The following CENPW variants were observed in gnomAD, a reference collection of about 807,000 sequenced individuals.
The protein encoded by CENPW is centromere protein W.
A neutral mutation model predicts 11.1 loss-of-function variants in CENPW; 3 were observed. The observed-to-expected ratio is 0.27, with a 90% CI of 0.12 to 0.70. The LOEUF (loss-of-function observed/expected upper bound fraction) is 0.70. Among genes scored for constraint, CENPW ranks in the 30% least tolerant of loss-of-function variants. The pLI is 0.77. For synonymous variants in CENPW, 38 were observed against 42.0 expected (o/e 0.91, Z 0.37); for missense variants, 100 against 105.6 (o/e 0.95, Z 0.23).
At chr6:126,403,386 A>C in the CENPW span, among the ~76,000 whole-genome samples, 1 of 152,158 alleles carries the variant, frequency 6.6e-6, no homozygotes, top group Non-Finnish European at 1.5e-5. Context: ...CCAAATTGTG[A>C]ATGCAAAGGA....
chr6:126,447,429 A>G, the CENPW span, among the ~76,000 whole-genome samples: 2 of 151,238 alleles, frequency 1.3e-5, no homozygotes, highest in Non-Finnish European at 3.0e-5. Context: ...TGAAAATGAC[A>G]GGTAGCTTGA....
chr6:126,393,394 C>A, the CENPW span, among the ~76,000 whole-genome samples: 8 of 151,034 alleles, frequency 5.3e-5, no homozygotes, highest in Admixed American at 3.3e-4. Context: ...TTTAGTTTTT[C>A]TTCTTTTTTG....
chr6:126,439,717 A>G, the CENPW span, among the ~76,000 whole-genome samples: 1 of 151,674 alleles, frequency 6.6e-6, no homozygotes, highest in Non-Finnish European at 1.5e-5. Flanking sequence ...TACCTGCTTT[A>G]GGCCAATGAA....
chr6:126,347,586 T>C, intron 2 of CENPW, among the ~76,000 whole-genome samples: 1 of 152,102 alleles, frequency 6.6e-6, no homozygotes. Flanking sequence ...ATTTATTTGA[T>C]GGTCTTGTGG....
chr6:126,347,655 A>G (rs1193921882), intron 2 of CENPW, among the ~76,000 whole-genome samples: 1 of 152,090 alleles, frequency 6.6e-6, no homozygotes, highest in African/African-American at 2.4e-5. Flanking sequence ...TCTTGCAATT[A>G]TAAACATTCC....
At chr6:126,352,851 TTTTA>T (rs764535075), downstream of CENPW, among the ~76,000 whole-genome samples, 123 of 152,108 alleles carry the variant, frequency 8.1e-4, no homozygotes, top group Non-Finnish European at 1.1e-3. Context: ...TTCTTTCTGC[TTTTA>T]TTTTCTTTTG....
chr6:126,425,629 A>C, the CENPW span, among the ~76,000 whole-genome samples: 1 of 151,672 alleles, frequency 6.6e-6, no homozygotes, highest in Admixed American at 6.6e-5. Flanking sequence ...TCCCTTTTTT[A>C]TTAGAGAGAT....
chr6:126,373,271 A>C, the CENPW span, among the ~76,000 whole-genome samples: 1 of 152,214 alleles, frequency 6.6e-6, no homozygotes, highest in African/African-American at 2.4e-5. Context: ...TTAACACACT[A>C]TGCTTGAGAA....
At chr6:126,383,925 A>G in the CENPW span, among the ~76,000 whole-genome samples, 1 of 151,862 alleles carries the variant, frequency 6.6e-6, no homozygotes, top group Non-Finnish European at 1.5e-5. Context: ...CCTGATAGAC[A>G]TCTACAGAGC....
At chr6:126,368,273 T>C in the CENPW span, among the ~76,000 whole-genome samples, 5 of 152,218 alleles carry the variant, frequency 3.3e-5, no homozygotes, top group African/African-American at 4.8e-5. Flanking sequence ...TATTGACTTG[T>C]ATGTGTCATA....
At chr6:126,406,991 T>C in the CENPW span, among the ~76,000 whole-genome samples, 1 of 152,140 alleles carries the variant, frequency 6.6e-6, no homozygotes, top group African/African-American at 2.4e-5. Flanking sequence ...GTTACATAGG[T>C]AAATGTTTGC....
chr6:126,367,227 G>T, the CENPW span, among the ~76,000 whole-genome samples: 1 of 151,906 alleles, frequency 6.6e-6, no homozygotes, highest in Non-Finnish European at 1.5e-5. Flanking sequence ...AGTGCAAGTG[G>T]TTTTTGGTTA....
At chr6:126,474,160 A>T in the CENPW span, among the ~76,000 whole-genome samples, 4 of 151,816 alleles carry the variant, frequency 2.6e-5, no homozygotes, top group South Asian at 6.2e-4. Context: ...AAAAGCCCAC[A>T]GCTGACATTA....
At chr6:126,392,959 T>C in the CENPW span, among the ~76,000 whole-genome samples, 1 of 151,962 alleles carries the variant, frequency 6.6e-6, no homozygotes, top group Non-Finnish European at 1.5e-5. Context: ...TATTACAGAT[T>C]CAATCTTATT....
At chr6:126,474,944 G>A in the CENPW span, among the ~76,000 whole-genome samples, 3 of 152,166 alleles carry the variant, frequency 2.0e-5, no homozygotes, top group East Asian at 5.8e-4. Context: ...TGAAAAGAAA[G>A]GTTGTATTAC....
chr6:126,431,868 C>A, the CENPW span, among the ~76,000 whole-genome samples: 1 of 151,900 alleles, frequency 6.6e-6, no homozygotes, highest in South Asian at 2.1e-4. Context: ...AGTTCAAGAC[C>A]AGCCTGGCCA....
At chr6:126,369,245 A>T in the CENPW span, among the ~76,000 whole-genome samples, 4 of 152,040 alleles carry the variant, frequency 2.6e-5, no homozygotes, top group Non-Finnish European at 4.4e-5. Context: ...TGCTGCTATA[A>T]ATGTGTTTGC....
the CENPW span, among the ~76,000 whole-genome samples, chr6:126,459,879 T>TA: frequency 1.3e-5 from 2 of 151,628 alleles, no homozygotes; most frequent in African/African-American, 4.8e-5. Context: ...TAACAACTGT[T>TA]ACATGTCTCA....
At chr6:126,466,054 T>C in the CENPW span, among the ~76,000 whole-genome samples, 1 of 152,112 alleles carries the variant, frequency 6.6e-6, no homozygotes, top group Non-Finnish European at 1.5e-5. Context: ...ACAGAGGATG[T>C]TTAAAGATGG....
Sources: allele counts gnomAD v4.1 joint callset (sites outside exome capture counted in the v4.1 genomes callset), GRCh38; gene constraint gnomAD v4.1.1; transcripts MANE v1.5; gene names NCBI Gene and HGNC (gene_info 2026-07-23, HGNC 2026-07-21).